The following RFX3 variants were observed in gnomAD, a reference collection of about 807,000 sequenced individuals.
RFX3 encodes regulatory factor X3.
A neutral mutation model predicts 98.6 loss-of-function variants in RFX3; 14 were observed. That is an observed-to-expected ratio of 0.14 (90% CI 0.09 to 0.22). The LOEUF (loss-of-function observed/expected upper bound fraction) is 0.22. Ranked by LOEUF, RFX3 falls within the 10% of genes least tolerant of loss-of-function variation. The pLI is 1.00. For synonymous variants in RFX3, 383 were observed against 328.4 expected (o/e 1.17, Z -1.80); for missense variants, 639 against 926.9 (o/e 0.69, Z 4.03).
chr9:3,378,690 A>T (rs1838833095), intron 2 of RFX3, among the ~76,000 whole-genome samples: 1 of 150,752 alleles, frequency 6.6e-6, no homozygotes, highest in African/African-American at 2.4e-5. Context: ...CCAAGTAGCT[A>T]GGGTTACAGG....
At chr9:3,472,104 C>A (rs1262922550) in intron 1 of RFX3, among the ~76,000 whole-genome samples, 1 of 152,128 alleles carries the variant, frequency 6.6e-6, no homozygotes, top group African/African-American at 2.4e-5. Flanking sequence ...TAATCTTAGG[C>A]CATCTGGTTC....
intron 1 of RFX3, among the ~76,000 whole-genome samples, chr9:3,441,736 A>C (rs1415714623): frequency 2.0e-5 from 3 of 152,172 alleles, no homozygotes; most frequent in African/African-American, 7.2e-5. Context: ...GGGAGAGAAG[A>C]GATAAATATT....
rs139822755 is a variant in RFX3, at chr9:3,283,292, A to C, written c.851+4839T>G. On this transcript the variant is annotated intron_variant, in intron 7 of 16. Coordinates refer to ENST00000617270, the MANE Select transcript of RFX3 (RefSeq NM_001282116.2). Reference sequence around the variant, plus strand: ...GTGCTCATCATATAATAATGATCCTAATAATAATTATCTAACACTTTAACA... The same window carrying C: ...GTGCTCATCATATAATAATGATCCTCATAATAATTATCTAACACTTTAACA... Among the ~76,000 whole-genome samples, 199 of 151,892 alleles carry C rather than the reference A, an allele frequency of 1.3e-3. 1 individual carries two copies. The highest frequency in any genetic ancestry group is 4.4e-3 in the African/African-American group (183 of 41,510).
At chr9:3,226,079 T>C (rs1314227820) in intron 16 of RFX3, among the ~76,000 whole-genome samples, 1 of 152,132 alleles carries the variant, frequency 6.6e-6, no homozygotes, top group Non-Finnish European at 1.5e-5. Context: ...CAAAAGTACA[T>C]TAGAGAGAGA....
At chr9:3,468,413 T>C (rs1225186478) in intron 1 of RFX3, among the ~76,000 whole-genome samples, 4 of 152,176 alleles carry the variant, frequency 2.6e-5, no homozygotes, top group African/African-American at 9.7e-5. Flanking sequence ...TTAAAATTCA[T>C]TTCATGAATC....
intron 1 of RFX3, among the ~76,000 whole-genome samples, chr9:3,440,080 A>C (rs2132671132): frequency 6.6e-6 from 1 of 152,192 alleles, no homozygotes; most frequent in South Asian, 2.1e-4. Context: ...AAAAACTCTC[A>C]GAAAAGTAGC....
At chr9:3,501,535 G>T in intron 1 of RFX3, among the ~76,000 whole-genome samples, 1 of 147,814 alleles carries the variant, frequency 6.8e-6, no homozygotes, top group Non-Finnish European at 1.5e-5. Flanking sequence ...TATACAAAAA[G>T]ATACATATTT....
At chr9:3,500,320 G>A (rs1184546772) in intron 1 of RFX3, among the ~76,000 whole-genome samples, 1 of 152,076 alleles carries the variant, frequency 6.6e-6, no homozygotes, top group East Asian at 1.9e-4. Context: ...GAAAATGACG[G>A]ACAAGAACGT....
intron 2 of RFX3, 40 bp downstream of exon 2, chr9:3,395,432 G>C: frequency 2.5e-6 from 4 of 1,602,752 alleles, no homozygotes; most frequent in Non-Finnish European, 3.4e-6. Context: ...CCAACATAAT[G>C]AAAGTAACAG....
intron 15 of RFX3, among the ~76,000 whole-genome samples, chr9:3,233,042 T>C (rs1367140241): frequency 1.3e-5 from 2 of 152,182 alleles, no homozygotes; most frequent in Non-Finnish European, 2.9e-5. Context: ...GCATGTCTAT[T>C]GTTTGAGAGA....
At chr9:3,391,686 A>G (rs1413741728) in intron 2 of RFX3, among the ~76,000 whole-genome samples, 1 of 152,112 alleles carries the variant, frequency 6.6e-6, no homozygotes, top group African/African-American at 2.4e-5. Context: ...GAGGGTGTGT[A>G]TGTATAATCT....
chr9:3,232,751 A>G (rs567150062), intron 15 of RFX3, among the ~76,000 whole-genome samples: 1 of 145,964 alleles, frequency 6.9e-6, no homozygotes, highest in Non-Finnish European at 1.5e-5. Context: ...GAGACCAGAT[A>G]TTCTCCTTGG....
At chr9:3,301,908 T>C (rs1349144173) in intron 4 of RFX3, among the ~76,000 whole-genome samples, 2 of 151,904 alleles carry the variant, frequency 1.3e-5, no homozygotes, top group African/African-American at 4.8e-5. Context: ...ATTTTTCTTC[T>C]TATGAATAAA....
chr9:3,370,892 A>C (rs1194320283), intron 2 of RFX3, among the ~76,000 whole-genome samples: 1 of 152,196 alleles, frequency 6.6e-6, no homozygotes, highest in Non-Finnish European at 1.5e-5. Context: ...GTAATGTATT[A>C]AGTTTCTCAT....
intron 1 of RFX3, among the ~76,000 whole-genome samples, chr9:3,502,226 C>T (rs1287048314): frequency 6.6e-6 from 1 of 151,586 alleles, no homozygotes; most frequent in Non-Finnish European, 1.5e-5. Context: ...GCACTGCACT[C>T]CAGCCTGGGA....
intron 2 of RFX3, among the ~76,000 whole-genome samples, chr9:3,361,892 A>C (rs1231163221): frequency 6.6e-6 from 1 of 152,122 alleles, no homozygotes; most frequent in African/African-American, 2.4e-5. Context: ...GACTGCAGTG[A>C]GCCATGATTG....
chr9:3,405,268 A>G (rs1264266910), intron 1 of RFX3, among the ~76,000 whole-genome samples: 1 of 152,170 alleles, frequency 6.6e-6, no homozygotes, highest in Non-Finnish European at 1.5e-5. Flanking sequence ...CTGCTCTCTC[A>G]ACAACACTCT....
chr9:3,501,399 T>A (rs1211007752), intron 1 of RFX3, among the ~76,000 whole-genome samples: 25 of 152,018 alleles, frequency 1.6e-4, no homozygotes, highest in Non-Finnish European at 5.9e-5. Flanking sequence ...TTACCAAGTA[T>A]AAAAAGAAAA....
intron 7 of RFX3, among the ~76,000 whole-genome samples, chr9:3,281,933 T>C (rs1054576328): frequency 1.3e-5 from 2 of 151,926 alleles, no homozygotes; most frequent in African/African-American, 4.8e-5. Flanking sequence ...ACAGATTAAA[T>C]GAAACATTTG....
Sources: allele counts gnomAD v4.1 joint callset (sites outside exome capture counted in the v4.1 genomes callset), GRCh38; gene constraint gnomAD v4.1.1; transcripts MANE v1.5; gene names NCBI Gene and HGNC (gene_info 2026-07-23, HGNC 2026-07-21).